NACC2: variants seen among roughly 807,000 people sequenced by gnomAD.
The protein encoded by NACC2 is NACC family member 2, also known as nucleus accumbens-associated protein 2.
In NACC2, 8 loss-of-function variants were observed where a neutral mutation model predicts 25.1. That is an observed-to-expected ratio of 0.32 (90% CI 0.19 to 0.57). The LOEUF is 0.57. Among genes scored for constraint, NACC2 ranks in the 20% least tolerant of loss-of-function variants. NACC2 has a pLI of 0.89. For missense variants in NACC2, 644 were observed against 650.2 expected (o/e 0.99, Z 0.10); for synonymous variants, 435 against 294.7 (o/e 1.48, Z -4.88).
chr9:136,024,522 T>TGTGTGTGTGTGTGTGTGTGTGTGGACA (rs1564221758), intron 2 of NACC2, among the ~76,000 whole-genome samples: 8 of 144,934 alleles, frequency 5.5e-5, no homozygotes, highest in Non-Finnish European at 1.2e-4. Context: ...TGTGTGTGTG[T>TGTGTGTGTGTGTGTGTGTGTGTGGACA]GTGTGTGTGT....
chr9:136,013,781 G>A lies in NACC2; in HGVS notation c.1157+83C>T. The A allele has an allele frequency of 7.9e-7, 1 of 1,264,986 alleles. No individual in the cohort carries two copies. The highest frequency in any genetic ancestry group is 1.1e-6 in the Non-Finnish European group (1 of 892,700). The allele number at this position is 1,264,986 out of a possible 1,614,324, so 78.4% of individuals were successfully genotyped here. A position where few individuals can be genotyped will look rare whatever the true frequency, so the allele number is the denominator to read the frequency against. Reference sequence around the variant, plus strand: ...AGAGGGCTTTCAATGCCACAACCCTGGACGATCAGACAGCTCATAGCTAAA... The same window carrying A: ...AGAGGGCTTTCAATGCCACAACCCTAGACGATCAGACAGCTCATAGCTAAA... On this transcript the variant is annotated intron_variant, in intron 4 of 5. Coordinates refer to ENST00000277554, the MANE Select transcript of NACC2 (RefSeq NM_144653.5). This position sits in a 1 kb window ranked among gnomAD's most constrained non-coding sequence, Gnocchi z 6.6.
At chr9:136,038,979 C>T (rs1273086623) in intron 2 of NACC2, among the ~76,000 whole-genome samples, 1 of 152,112 alleles carries the variant, frequency 6.6e-6, no homozygotes, top group East Asian at 1.9e-4. Context: ...ACACCTAAAG[C>T]CACTGAAAGT....
intron 1 of NACC2, among the ~76,000 whole-genome samples, chr9:136,054,699 T>C (rs1222632776): frequency 6.6e-6 from 1 of 151,518 alleles, no homozygotes; most frequent in Non-Finnish European, 1.5e-5. Flanking sequence ...AGTGACTCAG[T>C]TTCCCCACCA....
At chr9:136,049,470 G>A (rs1164534806) in intron 2 of NACC2, among the ~76,000 whole-genome samples, 166 bp downstream of exon 2, 1 of 152,172 alleles carries the variant, frequency 6.6e-6, no homozygotes, top group Admixed American at 6.5e-5. Context: ...CCAGGACCAA[G>A]TCTGAACCCC....
At chr9:136,014,288 G>A (rs1393014195) in intron 3 of NACC2, among the ~76,000 whole-genome samples, 3 of 151,852 alleles carry the variant, frequency 2.0e-5, no homozygotes, top group Non-Finnish European at 4.4e-5. Flanking sequence ...CCCGGCCTCA[G>A]CTCCCTCCCC....
At chr9:136,040,281 G>T (rs1015707097) in intron 2 of NACC2, among the ~76,000 whole-genome samples, 2 of 151,650 alleles carry the variant, frequency 1.3e-5, no homozygotes, top group Non-Finnish European at 2.9e-5. Context: ...GGAGGCAGAG[G>T]TTGCAGTGAG....
At chr9:136,012,752 G>A (rs750108386) in intron 5 of NACC2, among the ~76,000 whole-genome samples, 4 of 151,356 alleles carry the variant, frequency 2.6e-5, no homozygotes, top group Admixed American at 1.3e-4. Flanking sequence ...CACCTGGTGC[G>A]AGCCGGCAGC....
At position 136,019,861 on chromosome 9, in the gene NACC2, C is replaced by T. The variant is rs1420322049; in HGVS notation, c.887-3432G>A. Reference sequence around the variant, plus strand: ...GACACCAGGGGAGCTTGCGAGAGGGCGGCTGAGCCTGGAGGACACCACACT... The same window carrying T: ...GACACCAGGGGAGCTTGCGAGAGGGTGGCTGAGCCTGGAGGACACCACACT... On this transcript the variant is annotated intron_variant, in intron 2 of 5. Transcript: ENST00000277554. The surrounding 1 kb of genome is among the most constrained non-coding windows in gnomAD (Gnocchi z 5.2). Among the ~76,000 whole-genome samples the T allele has an allele frequency of 2.6e-5, 4 of 152,116 alleles. No individual in the cohort carries two copies. The highest frequency in any genetic ancestry group is 5.9e-5 in the Non-Finnish European group (4 of 68,022).
At chr9:136,053,186 G>A (rs1348728421) in intron 1 of NACC2, among the ~76,000 whole-genome samples, 3 of 152,184 alleles carry the variant, frequency 2.0e-5, no homozygotes, top group African/African-American at 2.4e-5. Context: ...CCTCACTCCC[G>A]GCGCCCCTCT....
chr9:136,049,837 G>A lies in NACC2; in HGVS notation c.685C>T (p.Leu229=). The part of the protein sequence containing the change: ...PRVSYYGVPS[L]ATLIPGIQQM... ...TGGATGCCGGGGATGAGGGTGGCCA[G>A]GCTGGGCACCCCGTAGTAGGAGACA... The change falls in exon 2 of 6, where the codon CTG becomes TTG. Residue 229 remains leucine, a synonymous_variant. Coordinates refer to ENST00000277554, the MANE Select transcript of NACC2 (RefSeq NM_144653.5). 2.8e-6 allele frequency: 2 copies of A among 712,652 alleles called. No homozygotes were observed. Among genetic ancestry groups the A allele is most frequent in the East Asian group, 5.2e-5 (2 of 38,774 alleles). 44.1% of individuals were successfully genotyped at this position (712,652 alleles called of 1,614,324 possible).
intron 2 of NACC2, among the ~76,000 whole-genome samples, chr9:136,043,179 A>G (rs1005090102): frequency 6.6e-6 from 1 of 152,254 alleles, no homozygotes; most frequent in African/African-American, 2.4e-5. Context: ...CACCATTACA[A>G]TAATGAAAAG....
At chr9:136,024,158 GTGTGT>G in intron 2 of NACC2, among the ~76,000 whole-genome samples, 1 of 38,710 alleles carries the variant, frequency 2.6e-5, no homozygotes, top group African/African-American at 2.1e-4. Context: ...GGGACAGAGT[GTGTGT>G]GTGTGTGTGT....
chr9:136,042,582 A>T (rs1256437542), intron 2 of NACC2, among the ~76,000 whole-genome samples: 1 of 152,184 alleles, frequency 6.6e-6, no homozygotes, highest in African/African-American at 2.4e-5. Flanking sequence ...AACATGAACC[A>T]TCCACTAGAC....
chr9:136,071,308 G>T (rs1588579639), intron 1 of NACC2, among the ~76,000 whole-genome samples: 1 of 151,094 alleles, frequency 6.6e-6, no homozygotes, highest in East Asian at 1.9e-4. Flanking sequence ...ACTTTGGGAG[G>T]TCAAGGCTGG....
At chr9:136,061,126 T>C (rs1841004941) in intron 1 of NACC2, among the ~76,000 whole-genome samples, 1 of 152,044 alleles carries the variant, frequency 6.6e-6, no homozygotes, top group Non-Finnish European at 1.5e-5. Context: ...TTCTGCCTCC[T>C]CCCCTTGAAT....
At chr9:136,074,997 G>A (rs1010559914) in intron 1 of NACC2, among the ~76,000 whole-genome samples, 1 of 152,250 alleles carries the variant, frequency 6.6e-6, no homozygotes. Flanking sequence ...TGGGGGAACA[G>A]CAATCGGATC....
intron 2 of NACC2, among the ~76,000 whole-genome samples, chr9:136,042,475 G>A (rs1840648526): frequency 6.6e-6 from 1 of 152,032 alleles, no homozygotes; most frequent in Non-Finnish European, 1.5e-5. Flanking sequence ...AGGTGTGAAG[G>A]GAATTCAGTG....
In NACC2 at chr9:136,082,086, A is replaced by C. The variant is rs140067700; in HGVS notation, c.-60+13103T>G. The stretch of plus-strand genomic sequence containing the variant: ...TGGGGGCACCAGCCATTCTCCAAAG[A>C]CTCTCCACCTGAACACGACCTGCCG... On this transcript the variant is annotated intron_variant, in intron 1 of 5. Transcript: ENST00000277554. Among the ~76,000 whole-genome samples the C allele has an allele frequency of 9.9e-3, 1,497 of 151,568 alleles. 27 individuals carry two copies. The highest frequency in any genetic ancestry group is 0.034 in the African/African-American group (1,399 of 41,282).
rs543206904 is a variant in NACC2 at position 136,020,708 on chromosome 9, C to G, written c.887-4279G>C. On this transcript the variant is annotated intron_variant, in intron 2 of 5. Coordinates refer to ENST00000277554, the MANE Select transcript of NACC2 (RefSeq NM_144653.5). The surrounding 1 kb of genome is among the most constrained non-coding windows in gnomAD (Gnocchi z 4.7). ...TCAACTGATTTTAAGACTTCCTGTACAGCTACAGTCATGAAGCCTGCATGG... is the reference window on the plus strand; with the variant it reads ...TCAACTGATTTTAAGACTTCCTGTAGAGCTACAGTCATGAAGCCTGCATGG... 6.7e-4 allele frequency among the ~76,000 whole-genome samples: 102 copies of G among 152,280 alleles called. No homozygotes were observed. Among genetic ancestry groups the G allele is most frequent in the African/African-American group, 2.4e-3 (101 of 41,552 alleles).
Sources: gnomAD v4.1 joint callset for allele counts (sites outside exome capture counted in the v4.1 genomes callset) on GRCh38, gnomAD v4.1.1 for gene constraint, Gnocchi (gnomAD v3.1) non-coding constraint, MANE v1.5 for transcripts, NCBI Gene and HGNC (gene_info 2026-07-23, HGNC 2026-07-21) for gene names.